The following ZFAND3 variants were observed in gnomAD, a reference collection of about 807,000 sequenced individuals.
The protein encoded by ZFAND3 is zinc finger AN1-type containing 3.
A neutral mutation model predicts 29.6 loss-of-function variants in ZFAND3; 10 were observed. That is an observed-to-expected ratio of 0.34 (90% CI 0.21 to 0.57). The LOEUF (loss-of-function observed/expected upper bound fraction) is 0.57. Ranked by LOEUF, ZFAND3 falls within the 20% of genes least tolerant of loss-of-function variation. ZFAND3 has a pLI of 0.86. For missense variants in ZFAND3, 230 were observed against 304.5 expected (o/e 0.76, Z 1.82); for synonymous variants, 128 against 112.6 (o/e 1.14, Z -0.87).
chr6:38,075,259 C>T (rs1764530780), intron 3 of ZFAND3, among the ~76,000 whole-genome samples: 1 of 152,188 alleles, frequency 6.6e-6, no homozygotes, highest in South Asian at 2.1e-4. Flanking sequence ...AGAAAGGACT[C>T]ACCATTCTAG....
At chr6:38,016,288 A>AT in intron 2 of ZFAND3, among the ~76,000 whole-genome samples, 1 of 152,340 alleles carries the variant, frequency 6.6e-6, no homozygotes, top group African/African-American at 2.4e-5. Context: ...CACTCAATAT[A>AT]TGATAGCTTC....
At chr6:37,892,113 TA>T (rs1765116338) in intron 1 of ZFAND3, among the ~76,000 whole-genome samples, 1 of 152,154 alleles carries the variant, frequency 6.6e-6, no homozygotes, top group Non-Finnish European at 1.5e-5. Context: ...TCAATAAATT[TA>T]AAAGGATGGA....
At chr6:38,133,575 C>T (rs577764194) in intron 5 of ZFAND3, among the ~76,000 whole-genome samples, 26 of 152,148 alleles carry the variant, frequency 1.7e-4, no homozygotes, top group African/African-American at 5.8e-4. Flanking sequence ...TGGTGAAACC[C>T]TGTCTCTACT....
intron 1 of ZFAND3, among the ~76,000 whole-genome samples, chr6:37,869,274 C>T (rs1293885544): frequency 6.6e-6 from 1 of 152,164 alleles, no homozygotes; most frequent in Non-Finnish European, 1.5e-5. Flanking sequence ...AGTGATTCTC[C>T]TACCTCAGCC....
intron 2 of ZFAND3, among the ~76,000 whole-genome samples, chr6:37,991,414 G>A (rs1762756741): frequency 6.6e-6 from 1 of 151,906 alleles, no homozygotes; most frequent in South Asian, 2.1e-4. Context: ...GTGCAGTGGT[G>A]CAATCTTGGC....
intron 2 of ZFAND3, among the ~76,000 whole-genome samples, chr6:37,989,968 A>G (rs1762731544): frequency 6.6e-6 from 1 of 152,184 alleles, no homozygotes; most frequent in Admixed American, 6.5e-5. Flanking sequence ...AAAAGATACC[A>G]TAACGGAGAC....
At chr6:38,000,107 G>C (rs1445644174) in intron 2 of ZFAND3, among the ~76,000 whole-genome samples, 1 of 151,924 alleles carries the variant, frequency 6.6e-6, no homozygotes, top group Admixed American at 6.5e-5. Context: ...CCCCCTATTG[G>C]AGTTTAAACA....
At position 38,026,764 on chromosome 6, in the gene ZFAND3, A is replaced by G. The variant is rs115021942; in HGVS notation, c.113-34829A>G. 2.1e-3 allele frequency among the ~76,000 whole-genome samples: 312 copies of G among 148,204 alleles called. 4 individuals carry two copies. The highest frequency in any genetic ancestry group is 7.4e-3 in the African/African-American group (300 of 40,324). On this transcript the variant is annotated intron_variant, in intron 2 of 5. Coordinates refer to ENST00000287218, the MANE Select transcript of ZFAND3 (RefSeq NM_021943.3). ...TTTAGGATCTTATGTGGTAGATATT[A>G]TGGCTCTTTGCATTTTAATAACCAG...
chr6:38,042,009 G>C (rs6933696), intron 2 of ZFAND3, among the ~76,000 whole-genome samples: 9,905 of 147,916 alleles, frequency 0.067, 446 homozygotes, highest in Middle Eastern at 0.1. Flanking sequence ...CTTTTTTTTG[G>C]GGGGGAGGGG....
rs529966555 is a variant in ZFAND3 at position 37,845,316 on chromosome 6, CCTT to C, written c.71+25301_71+25303del. 6.6e-5 allele frequency among the ~76,000 whole-genome samples: 10 copies of C among 152,298 alleles called. No individual in the cohort carries two copies. The East Asian group carries it at 1.9e-3, about 29-fold the overall frequency. Reference sequence around the variant, plus strand: ...TGTTATAATGTGTTATATACACCCTCCTTATCACTCACATTTTTTTTTTGTTTT... The same window carrying C: ...TGTTATAATGTGTTATATACACCCTCATCACTCACATTTTTTTTTTGTTTT... On this transcript the variant is annotated intron_variant, in intron 1 of 5. Transcript: ENST00000287218.
At chr6:37,930,434 C>T (rs1761573283) in intron 2 of ZFAND3, among the ~76,000 whole-genome samples, 1 of 152,144 alleles carries the variant, frequency 6.6e-6, no homozygotes, top group African/African-American at 2.4e-5. Context: ...GTGTCTCACG[C>T]CTATAATCCC....
At chr6:38,057,385 A>C (rs1764150954) in intron 2 of ZFAND3, among the ~76,000 whole-genome samples, 1 of 152,196 alleles carries the variant, frequency 6.6e-6, no homozygotes, top group South Asian at 2.1e-4. Context: ...GGCCTAAGAG[A>C]ATAAGAACTG....
intron 1 of ZFAND3, among the ~76,000 whole-genome samples, chr6:37,927,862 G>A (rs1000718932): frequency 1.3e-4 from 20 of 152,192 alleles, no homozygotes; most frequent in African/African-American, 4.6e-4. Context: ...ATAGAATACA[G>A]GTGTTGGAAT....
intron 5 of ZFAND3, among the ~76,000 whole-genome samples, chr6:38,144,225 A>ATTTTTTTT (rs1562016181): frequency 1.3e-5 from 1 of 75,556 alleles, no homozygotes; most frequent in East Asian, 3.6e-4. Context: ...TATAATATAT[A>ATTTTTTTT]TATATATTTT....
intron 2 of ZFAND3, among the ~76,000 whole-genome samples, chr6:37,993,426 A>T (rs1762794755): frequency 6.6e-6 from 1 of 151,756 alleles, no homozygotes; most frequent in South Asian, 2.1e-4. Flanking sequence ...TCCTGGGTCG[A>T]AGCCATTCTC....
intron 2 of ZFAND3, among the ~76,000 whole-genome samples, chr6:37,989,833 G>A (rs1005026853): frequency 1.1e-4 from 17 of 152,192 alleles, no homozygotes; most frequent in African/African-American, 4.1e-4. Context: ...GGATGTTAAT[G>A]AAATGAAATG....
intron 1 of ZFAND3, among the ~76,000 whole-genome samples, chr6:37,864,766 CACACAT>C (rs767260714): frequency 1.7e-3 from 251 of 145,390 alleles, no homozygotes; most frequent in South Asian, 6.9e-3. Context: ...CACACACACA[CACACAT>C]GCACACATAC....
intron 2 of ZFAND3, among the ~76,000 whole-genome samples, chr6:37,984,295 A>G (rs1276471566): frequency 6.6e-6 from 1 of 152,248 alleles, no homozygotes; most frequent in Non-Finnish European, 1.5e-5. Context: ...ACTGCTGAGA[A>G]AGAAACTAAA....
intron 2 of ZFAND3, among the ~76,000 whole-genome samples, chr6:38,037,794 G>T (rs925408508): frequency 6.6e-6 from 1 of 152,124 alleles, no homozygotes; most frequent in Non-Finnish European, 1.5e-5. Context: ...CTGTTCTGGA[G>T]ACCAGCCAAG....
Sources: allele counts gnomAD v4.1 joint callset (sites outside exome capture counted in the v4.1 genomes callset), GRCh38; gene constraint gnomAD v4.1.1; transcripts MANE v1.5; gene names NCBI Gene and HGNC (gene_info 2026-07-23, HGNC 2026-07-21).